Variants in WDFY2 observed in about 807,000 individuals in gnomAD.
The protein encoded by WDFY2 is WD repeat and FYVE domain containing 2.
WDFY2 carries 36 observed loss-of-function variants against 56.4 expected under a neutral mutation model. That is an observed-to-expected ratio of 0.64 (90% CI 0.49 to 0.84). The LOEUF is 0.84. WDFY2 is among the 40% of genes least tolerant of loss of function. The probability of loss-of-function intolerance (pLI) is 0.00; values close to 1 mark genes in which losing one functional copy is unlikely to be tolerated. For missense variants in WDFY2, 444 were observed against 512.2 expected, an observed-to-expected ratio of 0.87 and a Z score of 1.29; for synonymous variants, 176 against 183.7, an observed-to-expected ratio of 0.96 and a Z score of 0.34.
At chr13:51,644,277 C>T (rs561628971) in intron 1 of WDFY2, among the ~76,000 whole-genome samples, 1 of 152,166 alleles carries the variant, frequency 6.6e-6, no homozygotes, top group Non-Finnish European at 1.5e-5. Context: ...AAAACTACTC[C>T]GAATTAAGAC....
intron 3 of WDFY2, among the ~76,000 whole-genome samples, chr13:51,681,929 C>T (rs1955983306): frequency 6.6e-6 from 1 of 152,208 alleles, no homozygotes; most frequent in Non-Finnish European, 1.5e-5. Context: ...GCCCTGTCAT[C>T]TTTTGCTCAG....
intron 1 of WDFY2, among the ~76,000 whole-genome samples, chr13:51,618,142 G>T (rs1418706389): frequency 6.6e-6 from 1 of 152,178 alleles, no homozygotes; most frequent in African/African-American, 2.4e-5. Flanking sequence ...CAGGCCCCCT[G>T]TTGTTAGCAC....
intron 1 of WDFY2, among the ~76,000 whole-genome samples, chr13:51,622,488 A>T (rs1328557089): frequency 6.6e-6 from 1 of 152,198 alleles, no homozygotes; most frequent in Non-Finnish European, 1.5e-5. Flanking sequence ...TTTCTAGACC[A>T]TTGGCTCTTT....
intron 8 of WDFY2, among the ~76,000 whole-genome samples, chr13:51,752,481 CCTG>C (rs1364910375): frequency 6.6e-6 from 1 of 152,152 alleles, no homozygotes; most frequent in African/African-American, 2.4e-5. Flanking sequence ...TGCACGGTAG[CCTG>C]CTTTGGGTTA....
At chr13:51,701,742 G>A (rs998045002) in intron 3 of WDFY2, among the ~76,000 whole-genome samples, 2 of 151,924 alleles carry the variant, frequency 1.3e-5, no homozygotes, top group African/African-American at 4.8e-5. Context: ...AAGGAATTGA[G>A]GTATCTTTTG....
intron 9 of WDFY2, 151 bp downstream of exon 9, chr13:51,755,610 G>A (rs906845197): frequency 1.4e-6 from 1 of 731,674 alleles, no homozygotes; most frequent in Non-Finnish European, 2.3e-6. Flanking sequence ...AATTTACTCT[G>A]TCTACCATAG....
chr13:51,719,124 C>T (rs988125863), intron 4 of WDFY2, 74 bp from the exon 5 acceptor site: 189 of 1,587,872 alleles, frequency 1.2e-4, no homozygotes, highest in Non-Finnish European at 9.0e-5. Flanking sequence ...GAGAATGGTG[C>T]ATCTCTGTGG....
At chr13:51,637,060 T>G (rs1445669421) in intron 1 of WDFY2, among the ~76,000 whole-genome samples, 1 of 152,256 alleles carries the variant, frequency 6.6e-6, no homozygotes, top group Non-Finnish European at 1.5e-5. Context: ...GTTATTCTTA[T>G]GCACATTAAA....
intron 4 of WDFY2, among the ~76,000 whole-genome samples, chr13:51,718,559 TACACAC>T (rs71192015): frequency 0.013 from 1,814 of 138,734 alleles, 13 homozygotes; most frequent in African/African-American, 0.02. Flanking sequence ...TTATCATTCA[TACACAC>T]ACACACACAC....
At chr13:51,729,015 C>T (rs941844052) in intron 6 of WDFY2, among the ~76,000 whole-genome samples, 1 of 152,168 alleles carries the variant, frequency 6.6e-6, no homozygotes, top group African/African-American at 2.4e-5. Flanking sequence ...GCCCGCGGTC[C>T]TTCCATTTTC....
intron 1 of WDFY2, among the ~76,000 whole-genome samples, chr13:51,601,767 G>A (rs74086216): frequency 3.9e-5 from 6 of 152,206 alleles, no homozygotes; most frequent in African/African-American, 9.6e-5. Flanking sequence ...CGGACTCCAC[G>A]CCCCTTCTAC....
intron 1 of WDFY2, among the ~76,000 whole-genome samples, chr13:51,599,712 A>T (rs962147141): frequency 1.3e-5 from 2 of 152,132 alleles, no homozygotes; most frequent in African/African-American, 4.8e-5. Flanking sequence ...CTTTTGTTAA[A>T]ACTTGCTGCC....
intron 2 of WDFY2, 83 bp downstream of exon 2, chr13:51,660,746 AGAC>A (rs924147763): frequency 1.6e-6 from 2 of 1,217,932 alleles, no homozygotes; most frequent in African/African-American, 3.0e-5. Flanking sequence ...TAAGTAGAGA[AGAC>A]TGAGGTTGGG....
intron 3 of WDFY2, among the ~76,000 whole-genome samples, chr13:51,683,791 G>A (rs1021631001): frequency 2.6e-5 from 4 of 152,184 alleles, no homozygotes; most frequent in African/African-American, 4.8e-5. Context: ...CATTAGCAGA[G>A]AGGGGAGTGG....
intron 1 of WDFY2, among the ~76,000 whole-genome samples, chr13:51,597,446 T>C (rs1339092769): frequency 2.6e-5 from 4 of 152,242 alleles, no homozygotes; most frequent in African/African-American, 7.2e-5. Context: ...TGTTTTCACA[T>C]TGCACAAGTA....
intron 1 of WDFY2, among the ~76,000 whole-genome samples, chr13:51,646,922 A>C (rs1955272787): frequency 6.6e-6 from 1 of 152,338 alleles, no homozygotes; most frequent in South Asian, 2.1e-4. Flanking sequence ...CAAAACTTGG[A>C]TGGAAAGTAT....
chr13:51,669,316 G>A (rs965812142), intron 2 of WDFY2, among the ~76,000 whole-genome samples: 2 of 152,132 alleles, frequency 1.3e-5, no homozygotes, highest in Non-Finnish European at 2.9e-5. Context: ...TTATGAAAGT[G>A]TTTACTTTTA....
At position 51,765,613 on chromosome 13, in the gene WDFY2, C is replaced by T. The variant is rs560993268; in HGVS notation, c.*5844C>T. On this transcript the variant is annotated 3_prime_UTR_variant, in exon 12 of 12. Coordinates refer to ENST00000298125, the MANE Select transcript of WDFY2 (RefSeq NM_052950.4). ...GACATGCCTAGCCCATCACCAGTGA[C>T]CTGCCCGCATATTGCTGGCTTCCCT... 4 of 152,332 alleles carry T rather than the reference C, an allele frequency of 2.6e-5. No homozygotes were observed. The highest frequency in any genetic ancestry group is 4.1e-4 in the South Asian group (2 of 4,826). 9.4% of individuals were successfully genotyped at this position (152,332 alleles called of 1,614,324 possible).
At chr13:51,719,595 G>A (rs1357307324) in intron 5 of WDFY2, among the ~76,000 whole-genome samples, 1 of 152,274 alleles carries the variant, frequency 6.6e-6, no homozygotes, top group Non-Finnish European at 1.5e-5. Flanking sequence ...AACATGAGGT[G>A]TGACATCTAG....
Sources: allele counts gnomAD v4.1 joint callset (sites outside exome capture counted in the v4.1 genomes callset), GRCh38; gene constraint gnomAD v4.1.1; transcripts MANE v1.5; gene names NCBI Gene and HGNC (gene_info 2026-07-23, HGNC 2026-07-21).